The following PON3 variants were observed in gnomAD, a reference collection of about 807,000 sequenced individuals.
The protein encoded by PON3 is serum paraoxonase/lactonase 3.
Under a neutral mutation model 36.3 loss-of-function variants are expected in PON3, and 37 were observed. The ratio of observed to expected loss-of-function variants is 1.02; its 90% CI spans 0.78 to 1.34. The LOEUF is 1.34. Among genes scored for constraint, PON3 ranks in the 40% most tolerant of loss-of-function variants. PON3 has a pLI of 0.00. For missense variants in PON3, 415 were observed against 426.5 expected (o/e 0.97, Z 0.24); for synonymous variants, 155 against 154.8 (o/e 1.00, Z -0.01).
intron 3 of PON3, among the ~76,000 whole-genome samples, chr7:95,375,305 CAT>C (rs1330318589): frequency 1.3e-5 from 2 of 149,352 alleles, no homozygotes; most frequent in Admixed American, 6.7e-5. Context: ...TATATGTATA[CAT>C]ATATATGTAT....
chr7:95,362,667 C>T, intron 7 of PON3, 93 bp downstream of exon 7: 1 of 1,379,848 alleles, frequency 7.2e-7, no homozygotes, highest in Non-Finnish European at 1.0e-6. Flanking sequence ...TCTCAAATAG[C>T]CATGTTTTCC....
At chr7:95,373,260 C>T (rs1434811273) in intron 3 of PON3, among the ~76,000 whole-genome samples, 1 of 152,202 alleles carries the variant, frequency 6.6e-6, no homozygotes, top group African/African-American at 2.4e-5. Context: ...TTCCCTCTCC[C>T]TGTCCTTTCT....
chr7:95,388,945 G>C (rs572849535), intron 3 of PON3, among the ~76,000 whole-genome samples: 31 of 152,278 alleles, frequency 2.0e-4, no homozygotes, highest in Middle Eastern at 3.4e-3. Flanking sequence ...GTCAGGGTGT[G>C]GGGGGCTGGG....
At chr7:95,384,221 T>C (rs1809133872) in intron 3 of PON3, among the ~76,000 whole-genome samples, 1 of 152,152 alleles carries the variant, frequency 6.6e-6, no homozygotes. Context: ...GATTAAAGAC[T>C]TAAATGTAAG....
At chr7:95,383,501 A>G (rs1339197739) in intron 3 of PON3, among the ~76,000 whole-genome samples, 1 of 152,208 alleles carries the variant, frequency 6.6e-6, no homozygotes, top group East Asian at 1.9e-4. Context: ...CAAATTCAGC[A>G]AAGTCTCAGG....
At chr7:95,378,010 A>C (rs1585726169) in intron 3 of PON3, among the ~76,000 whole-genome samples, 1 of 152,212 alleles carries the variant, frequency 6.6e-6, no homozygotes, top group East Asian at 1.9e-4. Context: ...AAAAACCTTG[A>C]AAAAAGTGAT....
Position 95,375,238 on chromosome 7 carries a change from A to G in PON3, c.202-2900T>C, listed in dbSNP as rs17882691. 5.2e-3 allele frequency among the ~76,000 whole-genome samples: 791 copies of G among 151,532 alleles called. 5 individuals are homozygous for G. Among genetic ancestry groups the G allele is most frequent in the African/African-American group, 0.018 (748 of 41,312 alleles). On this transcript the variant is annotated intron_variant, in intron 3 of 8. Coordinates refer to ENST00000265627, the MANE Select transcript of PON3 (RefSeq NM_000940.3). ...TAGTACTGAAGAAAAAATTTAATGT[A>G]TATATGTATATGTATACATATATAT... is the stretch of plus-strand genomic sequence containing the variant.
intron 3 of PON3, among the ~76,000 whole-genome samples, chr7:95,388,632 A>T (rs1809253127): frequency 6.6e-6 from 1 of 152,224 alleles, no homozygotes; most frequent in Admixed American, 6.5e-5. Context: ...ATAAAGACAC[A>T]TGCACATGTA....
chr7:95,369,127 T>C (rs1002211566), intron 4 of PON3, among the ~76,000 whole-genome samples: 4 of 152,234 alleles, frequency 2.6e-5, no homozygotes, highest in African/African-American at 2.4e-5. Context: ...AACTTCATTG[T>C]ATCCATCTAT....
chr7:95,385,983 C>G (rs984035170), intron 3 of PON3, among the ~76,000 whole-genome samples: 8 of 152,094 alleles, frequency 5.3e-5, no homozygotes, highest in African/African-American at 1.2e-4. Flanking sequence ...AAAATCGACA[C>G]CTAGCCCATT....
chr7:95,376,492 C>T (rs1808915193), intron 3 of PON3, among the ~76,000 whole-genome samples: 1 of 152,114 alleles, frequency 6.6e-6, no homozygotes, highest in Non-Finnish European at 1.5e-5. Context: ...AGCAAAACAA[C>T]AGAATCCTTA....
rs1331893439 is a variant in PON3 at position 95,396,355 on chromosome 7, T to A, written c.-5A>T. The A allele has an allele frequency of 6.2e-7, 1 of 1,613,540 alleles. No individual in the cohort carries two copies. Among genetic ancestry groups the A allele is most frequent in the Admixed American group, 1.7e-5 (1 of 59,998 alleles). On this transcript the variant is annotated 5_prime_UTR_variant, in exon 1 of 9. Transcript: ENST00000265627. The stretch of plus-strand genomic sequence containing the variant: ...CAGCGCCACGAGCTTCCCCATGGTC[T>A]CGGGGTGCCCAGCGGCGACTGCGCG...
chr7:95,387,560 G>T (rs1025586394), intron 3 of PON3, among the ~76,000 whole-genome samples: 1 of 152,062 alleles, frequency 6.6e-6, no homozygotes, highest in Non-Finnish European at 1.5e-5. Context: ...TACTGCCCAC[G>T]GTAATTTATA....
intron 3 of PON3, among the ~76,000 whole-genome samples, chr7:95,373,482 G>A (rs1488940133): frequency 6.6e-6 from 1 of 152,144 alleles, no homozygotes; most frequent in Non-Finnish European, 1.5e-5. Flanking sequence ...ATCAGAGGAG[G>A]CACTGTTCCC....
At chr7:95,392,848 C>T (rs955929364) in intron 2 of PON3, among the ~76,000 whole-genome samples, 3 of 152,238 alleles carry the variant, frequency 2.0e-5, no homozygotes, top group Admixed American at 6.5e-5. Context: ...GGTCCAGCGT[C>T]CCTAAAGATA....
chr7:95,372,139 A>T (rs1381080569), intron 4 of PON3, 34 bp downstream of exon 4: 1 of 1,598,930 alleles, frequency 6.3e-7, no homozygotes, highest in African/African-American at 1.3e-5. Context: ...TATTTCCCTC[A>T]TTTCCCCCTT....
Position 95,396,328 on chromosome 7 carries a change from A to C in PON3, c.23T>G (p.Val8Gly). The C allele has an allele frequency of 6.2e-7, 1 of 1,613,938 alleles. No homozygotes were observed. Among genetic ancestry groups the C allele is most frequent in the Non-Finnish European group, 8.5e-7 (1 of 1,179,958 alleles). MGKLVALVLLGVGLSLVG... is the reference protein window; with the variant it reads MGKLVALGLLGVGLSLVG... The stretch of plus-strand genomic sequence containing the variant: ...TAAGGACAGGCCGACCCCCAGCAGG[A>C]CCAGCGCCACGAGCTTCCCCATGGT... The change falls in exon 1 of 9, where the codon GTC becomes GGC. Residue 8 changes from valine to glycine, a missense_variant. By Grantham distance (109) the Val-to-Gly change is moderately radical. Coordinates refer to ENST00000265627, the MANE Select transcript of PON3 (RefSeq NM_000940.3).
chr7:95,372,398 G>C (rs1808828897), intron 3 of PON3, 60 bp from the exon 4 acceptor site: 2 of 1,556,948 alleles, frequency 1.3e-6, no homozygotes, highest in South Asian at 2.3e-5. Context: ...ATTTTCATAA[G>C]GAATTTAAAA....
intron 3 of PON3, among the ~76,000 whole-genome samples, chr7:95,379,221 C>T (rs1808987737): frequency 6.6e-6 from 1 of 152,126 alleles, no homozygotes; most frequent in Admixed American, 6.5e-5. Context: ...AATATACATG[C>T]ATCTGTCCAA....
Sources: gnomAD v4.1 joint callset for allele counts (sites outside exome capture counted in the v4.1 genomes callset) on GRCh38, gnomAD v4.1.1 for gene constraint, MANE v1.5 for transcripts, NCBI Gene and HGNC (gene_info 2026-07-23, HGNC 2026-07-21) for gene names.